Variants in ZC3H7B observed in about 807,000 individuals in gnomAD.
ZC3H7B encodes the protein zinc finger CCCH domain-containing protein 7B.
ZC3H7B carries 35 observed loss-of-function variants against 116.0 expected under a neutral mutation model. The ratio of observed to expected loss-of-function variants is 0.30; its 90% confidence interval spans 0.23 to 0.40. The LOEUF (loss-of-function observed/expected upper bound fraction) is 0.40. ZC3H7B is among the 10% of genes least tolerant of loss of function. The pLI is 1.00. For synonymous variants in ZC3H7B, 502 were observed against 545.6 expected (o/e 0.92, Z 1.11); for missense variants, 1,011 against 1,321.5 (o/e 0.77, Z 3.64).
At position 41,302,763 on chromosome 22, in the gene ZC3H7B, A is replaced by G. The variant is rs961650005; in HGVS notation, c.-7+991A>G. On this transcript the variant is annotated intron_variant, in intron 1 of 22. Transcript: ENST00000352645. This position sits in a 1 kb window ranked among gnomAD's most constrained non-coding sequence, Gnocchi z 5.7. ...TCATATAAAAACAGCTCACTCTGAT[A>G]GAACCTGATGGCTGTATTGCCAACA... Among the ~76,000 whole-genome samples the G allele has an allele frequency of 1.3e-5, 2 of 152,088 alleles. No individual in the cohort carries two copies. The highest frequency in any genetic ancestry group is 4.8e-5 in the African/African-American group (2 of 41,412).
intron 9 of ZC3H7B, 95 bp downstream of exon 9, chr22:41,339,286 T>A: frequency 7.0e-7 from 1 of 1,432,496 alleles, no homozygotes. Context: ...AATGCTCATG[T>A]CATGTGTCTC....
At position 41,342,723 on chromosome 22, in the gene ZC3H7B, T is replaced by C. The variant is rs996390138; in HGVS notation, c.1297+95T>C. 116 of 1,270,522 alleles carry C rather than the reference T, an allele frequency of 9.1e-5. 1 individual carries two copies. The highest frequency in any genetic ancestry group is 1.2e-4 in the Non-Finnish European group (107 of 918,716). 78.7% of individuals were successfully genotyped at this position (1,270,522 alleles called of 1,614,324 possible). A position where few individuals can be genotyped will look rare whatever the true frequency, so the allele number is the denominator to read the frequency against. ...GATCAAAAGAATCCCAGTGTCTCAG[T>C]TGGAGATAAGTGCCAGAAATCAGAA... is the stretch of plus-strand genomic sequence containing the variant. On this transcript the variant is annotated intron_variant, in intron 12 of 22. Coordinates refer to ENST00000352645, the MANE Select transcript of ZC3H7B (RefSeq NM_017590.6).
chr22:41,349,847 TAATATATC>T lies in ZC3H7B; in HGVS notation c.1948+549_1948+556del, dbSNP rs1377472459. Among the ~76,000 whole-genome samples the T allele has an allele frequency of 6.6e-6, 1 of 152,208 alleles. No homozygotes were observed. The highest frequency in any genetic ancestry group is 2.4e-5 in the African/African-American group (1 of 41,460). ...CATTTATAAGTGGGGGCCAGACAGA[TAATATATC>T]AACAGGTGAATAAATCCTGTATTCC... On this transcript the variant is annotated intron_variant, in intron 16 of 22. Coordinates refer to ENST00000352645, the MANE Select transcript of ZC3H7B (RefSeq NM_017590.6). The surrounding 1 kb of genome is among the most constrained non-coding windows in gnomAD (Gnocchi z 4.9).
chr22:41,356,585 A>G, intron 21 of ZC3H7B, 60 bp from the exon 22 acceptor site: 1 of 1,610,388 alleles, frequency 6.2e-7, no homozygotes, highest in South Asian at 1.1e-5. Context: ...AGCCTCTCCG[A>G]GGTGGGTGGT....
chr22:41,326,420 G>C (rs1028552317), intron 4 of ZC3H7B, among the ~76,000 whole-genome samples: 2 of 134,670 alleles, frequency 1.5e-5, no homozygotes, highest in Admixed American at 1.5e-4. Context: ...CATAGCCTCA[G>C]CCTCCTCACT....
intron 4 of ZC3H7B, among the ~76,000 whole-genome samples, chr22:41,326,589 G>A (rs1004337893): frequency 1.3e-5 from 2 of 151,942 alleles, no homozygotes; most frequent in African/African-American, 4.8e-5. Flanking sequence ...TCAGCCTCCT[G>A]TTTCTTTGCG....
intron 1 of ZC3H7B, among the ~76,000 whole-genome samples, chr22:41,303,432 G>A (rs774875802): frequency 1.3e-5 from 2 of 152,170 alleles, no homozygotes; most frequent in South Asian, 2.1e-4. Context: ...CTGATCTCTC[G>A]AGTCTTAGTA....
chr22:41,313,150 G>A (rs866342111), intron 1 of ZC3H7B, among the ~76,000 whole-genome samples: 1 of 150,862 alleles, frequency 6.6e-6, no homozygotes, highest in Non-Finnish European at 1.5e-5. Flanking sequence ...ACGGAGTCTC[G>A]CTGTGTCGCC....
intron 2 of ZC3H7B, 37 bp from the exon 3 acceptor site, chr22:41,325,527 G>C: frequency 1.3e-6 from 2 of 1,597,796 alleles, no homozygotes; most frequent in South Asian, 1.1e-5. Flanking sequence ...TGGGACCGCC[G>C]GGCTCACCCA....
At chr22:41,318,387 G>A (rs1056847624) in intron 1 of ZC3H7B, among the ~76,000 whole-genome samples, 3 of 151,992 alleles carry the variant, frequency 2.0e-5, no homozygotes, top group Admixed American at 1.3e-4. Flanking sequence ...AAATTAGCCG[G>A]GTGTGGTGGC....
intron 13 of ZC3H7B, among the ~76,000 whole-genome samples, chr22:41,345,784 G>A (rs2036576381): frequency 6.6e-6 from 1 of 152,060 alleles, no homozygotes; most frequent in Admixed American, 6.5e-5. Flanking sequence ...ACCTGCGTTG[G>A]GGTGCAGAAG....
chr22:41,305,012 GAC>G (rs2036021006), intron 1 of ZC3H7B, among the ~76,000 whole-genome samples: 1 of 152,080 alleles, frequency 6.6e-6, no homozygotes, highest in African/African-American at 2.4e-5. Context: ...ACGAGTTCGA[GAC>G]CAGACCTGGC....
In ZC3H7B at chr22:41,332,188, T is replaced by C. The variant is rs143142585; in HGVS notation, c.543T>C (p.Ser181=). 1 of 1,614,020 alleles carries C rather than the reference T, an allele frequency of 6.2e-7. No homozygotes were observed. Among genetic ancestry groups the C allele is most frequent in the African/African-American group, 1.3e-5 (1 of 74,916 alleles). The change falls in exon 7 of 23, where the codon TCT becomes TCC. Residue 181 remains serine (S), a synonymous_variant. Transcript: ENST00000352645. The part of the protein sequence containing the change: ...YKRPQELETF[S]LLSNGTAAGV... ...TCTGGCAGGAATTGGAAACCTTTTCTCTGCTCAGTAACGGCACTGCGGCTG... is the reference window on the plus strand; with the variant it reads ...TCTGGCAGGAATTGGAAACCTTTTCCCTGCTCAGTAACGGCACTGCGGCTG...
At position 41,327,553 on chromosome 22, in the gene ZC3H7B, A is replaced by T. The variant is rs2036334220; in HGVS notation, c.444+189A>T. 6.6e-6 allele frequency among the ~76,000 whole-genome samples: 1 copy of T among 152,244 alleles called. No individual in the cohort carries two copies. Among genetic ancestry groups the T allele is most frequent in the African/African-American group, 2.4e-5 (1 of 41,470 alleles). ...CGCTGACTGGGTGCCAGGCACTGCT[A>T]GGATGCATTGTGTGTATTAACTCAC... On this transcript the variant is annotated intron_variant, in intron 5 of 22. Transcript: ENST00000352645. The surrounding 1 kb of genome is among the most constrained non-coding windows in gnomAD (Gnocchi z 4.5).
In ZC3H7B at chr22:41,349,866, T is replaced by C. The variant is rs570971224; in HGVS notation, c.1948+565T>C. Among the ~76,000 whole-genome samples, 35 of 152,356 alleles carry C rather than the reference T, an allele frequency of 2.3e-4. No homozygotes were observed. Among genetic ancestry groups the C allele is most frequent in the African/African-American group, 7.9e-4 (33 of 41,584 alleles). ...GACAGATAATATATCAACAGGTGAATAAATCCTGTATTCCATCCATTCTAG... is the reference window on the plus strand; with the variant it reads ...GACAGATAATATATCAACAGGTGAACAAATCCTGTATTCCATCCATTCTAG... On this transcript the variant is annotated intron_variant, in intron 16 of 22. Coordinates refer to ENST00000352645, the MANE Select transcript of ZC3H7B (RefSeq NM_017590.6). This position sits in a 1 kb window ranked among gnomAD's most constrained non-coding sequence, Gnocchi z 4.9.
chr22:41,327,510 T>G lies in ZC3H7B; in HGVS notation c.444+146T>G. The G allele has an allele frequency of 2.0e-5, 21 of 1,072,908 alleles. No individual in the cohort carries two copies. Among genetic ancestry groups the G allele is most frequent in the Non-Finnish European group, 2.8e-5 (21 of 756,616 alleles). 66.5% of individuals were successfully genotyped at this position (1,072,908 alleles called of 1,614,324 possible). On this transcript the variant is annotated intron_variant, in intron 5 of 22. Transcript: ENST00000352645. This position sits in a 1 kb window ranked among gnomAD's most constrained non-coding sequence, Gnocchi z 4.5. ...GCCATGCAGATCCTGATGTTAACAC[T>G]AGCTCCCATTCTCTGAGCGCTGACT...
chr22:41,346,341 T>A lies in ZC3H7B; in HGVS notation c.1665+133T>A. 2.1e-6 allele frequency: 2 copies of A among 972,132 alleles called. No homozygotes were observed. Among genetic ancestry groups the A allele is most frequent in the Non-Finnish European group, 3.1e-6 (2 of 653,492 alleles). The allele number at this position is 972,132 out of a possible 1,614,324, so 60.2% of individuals were successfully genotyped here. ...TGTGGAGGCCTGGTCTTAGAACCAG[T>A]AGGTCCTGGAGGGTCAGTAAGTCTG... On this transcript the variant is annotated intron_variant, in intron 14 of 22. Transcript: ENST00000352645. The surrounding 1 kb of genome is among the most constrained non-coding windows in gnomAD (Gnocchi z 5.3).
At chr22:41,309,561 C>G (rs2036091789) in intron 1 of ZC3H7B, among the ~76,000 whole-genome samples, 1 of 152,004 alleles carries the variant, frequency 6.6e-6, no homozygotes, top group East Asian at 1.9e-4. Context: ...GTGATCTGCC[C>G]ACCTCAGCCT....
At chr22:41,307,676 C>T (rs61371707) in intron 1 of ZC3H7B, among the ~76,000 whole-genome samples, 6,724 of 152,236 alleles carry the variant, frequency 0.044, 496 homozygotes, top group African/African-American at 0.15. Flanking sequence ...ATACCAGCAT[C>T]GTGCTTGACA....
Sources: gnomAD v4.1 joint callset for allele counts (sites outside exome capture counted in the v4.1 genomes callset) on GRCh38, gnomAD v4.1.1 for gene constraint, Gnocchi (gnomAD v3.1) non-coding constraint, MANE v1.5 for transcripts, NCBI Gene and HGNC (gene_info 2026-07-23, HGNC 2026-07-21) for gene names.